The following TMEM266 variants were observed in gnomAD, a reference collection of about 807,000 sequenced individuals.
TMEM266 encodes the protein Hv1 related protein 1.
A neutral mutation model predicts 50.5 loss-of-function variants in TMEM266; 33 were observed. The ratio of observed to expected loss-of-function variants is 0.65; its 90% CI spans 0.50 to 0.87. The LOEUF (loss-of-function observed/expected upper bound fraction) is 0.87, where lower values mean the gene tolerates loss of function less well. TMEM266 is among the 40% of genes least tolerant of loss of function. TMEM266 has a pLI of 0.00. For missense variants in TMEM266, 655 were observed against 695.1 expected, an observed-to-expected ratio of 0.94 and a Z score of 0.65; for synonymous variants, 310 against 292.3, an observed-to-expected ratio of 1.06 and a Z score of -0.62.
At chr15:76,167,342 T>C (rs1489140382) in intron 5 of TMEM266, among the ~76,000 whole-genome samples, 3 of 151,090 alleles carry the variant, frequency 2.0e-5, no homozygotes, top group Admixed American at 6.6e-5. Context: ...TGGTGGCGGG[T>C]GCCTGTAGTC....
chr15:76,118,091 G>A (rs2037278483), intron 1 of TMEM266, among the ~76,000 whole-genome samples: 1 of 152,220 alleles, frequency 6.6e-6, no homozygotes, highest in Non-Finnish European at 1.5e-5. Flanking sequence ...TCAAAGTAAG[G>A]CCAGGTTACT....
chr15:76,109,356 C>G (rs2037132406), intron 1 of TMEM266, among the ~76,000 whole-genome samples: 1 of 152,138 alleles, frequency 6.6e-6, no homozygotes, highest in Admixed American at 6.5e-5. Context: ...AGCAAGAAGC[C>G]AGGCCCAACA....
chr15:76,066,010 GAA>G (rs2036409030), intron 1 of TMEM266, among the ~76,000 whole-genome samples: 2 of 152,202 alleles, frequency 1.3e-5, no homozygotes, highest in African/African-American at 4.8e-5. Context: ...CTTTGTAGCA[GAA>G]GACAGCCTCC....
At chr15:76,163,761 C>T (rs1366022947) in intron 5 of TMEM266, among the ~76,000 whole-genome samples, 1 of 152,152 alleles carries the variant, frequency 6.6e-6, no homozygotes, top group East Asian at 1.9e-4. Flanking sequence ...TGGAAAGGCC[C>T]AGGCAGCCCC....
chr15:76,196,508 T>C (rs2038658940), intron 9 of TMEM266, among the ~76,000 whole-genome samples: 1 of 151,684 alleles, frequency 6.6e-6, no homozygotes, highest in Non-Finnish European at 1.5e-5. Flanking sequence ...CATTAGAAAT[T>C]ATGGCTGGAC....
At chr15:76,099,701 C>A (rs924202784) in intron 1 of TMEM266, among the ~76,000 whole-genome samples, 1 of 152,158 alleles carries the variant, frequency 6.6e-6, no homozygotes, top group African/African-American at 2.4e-5. Context: ...GTCCTGCCTT[C>A]ATGGGAGAGG....
chr15:76,173,327 A>T (rs1314958388), intron 7 of TMEM266, among the ~76,000 whole-genome samples: 2 of 152,208 alleles, frequency 1.3e-5, no homozygotes, highest in African/African-American at 4.8e-5. Context: ...CAAGAGAGGC[A>T]TGTGACCGAG....
At chr15:76,084,976 T>G (rs2036753259) in intron 1 of TMEM266, among the ~76,000 whole-genome samples, 1 of 151,040 alleles carries the variant, frequency 6.6e-6, no homozygotes, top group Admixed American at 6.6e-5. Context: ...TTTTTTTTAT[T>G]GAGACAAGAG....
chr15:76,090,525 A>T (rs1199091721), intron 1 of TMEM266, among the ~76,000 whole-genome samples: 1 of 151,670 alleles, frequency 6.6e-6, no homozygotes, highest in Non-Finnish European at 1.5e-5. Flanking sequence ...AAAAGAAAAA[A>T]GTTGGGAAAA....
At chr15:76,175,804 A>C in intron 8 of TMEM266, 130 bp downstream of exon 8, 1 of 675,724 alleles carries the variant, frequency 1.5e-6, no homozygotes. Context: ...TGTTGGACTC[A>C]TGGGGAACCT....
chr15:76,115,147 A>T (rs116664933), intron 1 of TMEM266, among the ~76,000 whole-genome samples: 281 of 152,306 alleles, frequency 1.8e-3, no homozygotes, highest in African/African-American at 6.4e-3. Flanking sequence ...TTTAAAATAA[A>T]GCATGCTCAT....
chr15:76,160,771 C>T lies in TMEM266; in HGVS notation c.456+603C>T, dbSNP rs955988371. On this transcript the variant is annotated intron_variant, in intron 5 of 10. Transcript: ENST00000388942. This position sits in a 1 kb window ranked among gnomAD's most constrained non-coding sequence, Gnocchi z 5.7. ...CTCAGGGAGCACGGATCGCCGTCAG[C>T]GTTGCTGGAGTCGGCTAGTAGAGAC... 2.0e-5 allele frequency among the ~76,000 whole-genome samples: 3 copies of T among 152,148 alleles called. No homozygotes were observed. Among genetic ancestry groups the T allele is most frequent in the East Asian group, 1.9e-4 (1 of 5,148 alleles).
chr15:76,199,798 T>C (rs1237455784), intron 9 of TMEM266, among the ~76,000 whole-genome samples: 1 of 138,506 alleles, frequency 7.2e-6, no homozygotes, highest in East Asian at 2.6e-4. Flanking sequence ...CTGGAGCCCA[T>C]AGTGAAACGT....
intron 1 of TMEM266, among the ~76,000 whole-genome samples, chr15:76,093,948 T>G (rs2036888990): frequency 6.6e-6 from 1 of 152,224 alleles, no homozygotes; most frequent in South Asian, 2.1e-4. Context: ...CTTTGCCCAC[T>G]TTTTGATGGG....
chr15:76,065,496 T>C (rs1258619408), intron 1 of TMEM266, among the ~76,000 whole-genome samples: 1 of 152,198 alleles, frequency 6.6e-6, no homozygotes, highest in Non-Finnish European at 1.5e-5. Context: ...ATCTGGTCTC[T>C]CCTCTGCTGT....
chr15:76,067,990 A>G (rs71403589), intron 1 of TMEM266, among the ~76,000 whole-genome samples: 141 of 152,228 alleles, frequency 9.3e-4, no homozygotes, highest in Non-Finnish European at 1.2e-3. Flanking sequence ...GGTGCTGCAT[A>G]AAGTAGGACT....
rs57532855 is a variant in TMEM266 at position 76,119,391 on chromosome 15, C to CAA, written c.-96-14757_-96-14756dup. Among the ~76,000 whole-genome samples the CAA allele has an allele frequency of 3.1e-3, 340 of 109,660 alleles. 2 individuals carry two copies. The highest frequency in any genetic ancestry group is 0.012 in the Middle Eastern group (2 of 172). 71.9% of individuals were successfully genotyped at this position (109,660 alleles called of 152,430 possible). On this transcript the variant is annotated intron_variant, in intron 1 of 10. Coordinates refer to ENST00000388942, the MANE Select transcript of TMEM266 (RefSeq NM_152335.3). ...TCGTTTAGGGGGTTAGGGTTTATGG[C>CAA]AAAAAAAAAAAAAAAAAAAAAGAAA... is the stretch of plus-strand genomic sequence containing the variant.
chr15:76,077,864 T>A (rs892806183), intron 1 of TMEM266, among the ~76,000 whole-genome samples: 3 of 152,096 alleles, frequency 2.0e-5, no homozygotes, highest in African/African-American at 7.3e-5. Flanking sequence ...TTTTTGGTGA[T>A]TTGTTTTAGC....
Position 76,111,279 on chromosome 15 carries a change from C to T in TMEM266, c.-96-22889C>T, listed in dbSNP as rs377274645. On this transcript the variant is annotated intron_variant, in intron 1 of 10. Coordinates refer to ENST00000388942, the MANE Select transcript of TMEM266 (RefSeq NM_152335.3). ...TATTTTTAGCAGAGACAGGATTTCA[C>T]CATGTTGGTCAGGCTGGTCTTGAAC... Among the ~76,000 whole-genome samples the T allele has an allele frequency of 3.9e-3, 588 of 151,902 alleles. 7 individuals are homozygous for T. The highest frequency in any genetic ancestry group is 0.013 in the African/African-American group (559 of 41,430).
Sources: allele counts gnomAD v4.1 joint callset (sites outside exome capture counted in the v4.1 genomes callset), GRCh38; gene constraint gnomAD v4.1.1; non-coding constraint Gnocchi (gnomAD v3.1); transcripts MANE v1.5; gene names NCBI Gene and HGNC (gene_info 2026-07-23, HGNC 2026-07-21).